Variants in ICAM1 observed in about 807,000 individuals in gnomAD.
ICAM1 encodes ICAM-1.
Under a neutral mutation model 42.3 loss-of-function variants are expected in ICAM1, and 28 were observed. The observed-to-expected ratio is 0.66, with a 90% CI of 0.49 to 0.91. ICAM1 has a LOEUF of 0.91. Among genes scored for constraint, ICAM1 ranks in the 40% least tolerant of loss-of-function variants. ICAM1 has a pLI of 0.00. For missense variants in ICAM1, 637 were observed against 688.6 expected (o/e 0.93, Z 0.84); for synonymous variants, 304 against 305.9 (o/e 0.99, Z 0.07).
intron 2 of ICAM1, among the ~76,000 whole-genome samples, chr19:10,278,886 C>A (rs5030362): frequency 0.025 from 3,753 of 152,238 alleles, 152 homozygotes; most frequent in African/African-American, 0.084. Flanking sequence ...TGAGACCTGG[C>A]TCTGCCACAT....
chr19:10,272,678 C>T (rs5030343), intron 1 of ICAM1, among the ~76,000 whole-genome samples: 2,182 of 150,316 alleles, frequency 0.015, 41 homozygotes, highest in African/African-American at 0.05. Flanking sequence ...GATTCTCCTG[C>T]CTCAGCCTCC....
intron 2 of ICAM1, among the ~76,000 whole-genome samples, chr19:10,279,969 T>G: frequency 6.6e-6 from 1 of 150,650 alleles, no homozygotes; most frequent in Non-Finnish European, 1.5e-5. Context: ...TGATAGGGAG[T>G]CATGGAGGGT....
At position 10,273,632 on chromosome 19, in the gene ICAM1, T is replaced by C. The variant is rs1408629078; in HGVS notation, c.68-1133T>C. ...GTGAGCTATGATTGTGCCACTGTATTCCAGCCTGGGTAACAGAGGGAGACC... is the reference window on the plus strand; with the variant it reads ...GTGAGCTATGATTGTGCCACTGTATCCCAGCCTGGGTAACAGAGGGAGACC... On this transcript the variant is annotated intron_variant, in intron 1 of 6. Transcript: ENST00000264832. 2.6e-5 allele frequency among the ~76,000 whole-genome samples: 4 copies of C among 152,022 alleles called. No individual in the cohort carries two copies. In the East Asian group the frequency reaches 7.7e-4, roughly 29 times the overall value.
Position 10,274,013 on chromosome 19 carries a change from C to CA in ICAM1, c.68-738dup, listed in dbSNP as rs34434348. Among the ~76,000 whole-genome samples, 1,141 of 134,318 alleles carry CA rather than the reference C, an allele frequency of 8.5e-3. 5 individuals carry two copies. The highest frequency in any genetic ancestry group is 0.013 in the African/African-American group (485 of 37,278). 88.1% of individuals were successfully genotyped at this position (134,318 alleles called of 152,430 possible). Reference sequence around the variant, plus strand: ...TGAGTGACAAAGCGAGACTCCATCTCAAAAAAAAAAAAAATAAAAGAACAC... The same window carrying CA: ...TGAGTGACAAAGCGAGACTCCATCTCAAAAAAAAAAAAAAATAAAAGAACAC... On this transcript the variant is annotated intron_variant, in intron 1 of 6. Transcript: ENST00000264832.
chr19:10,283,426 T>C, intron 2 of ICAM1, 55 bp from the exon 3 acceptor site: 1 of 1,499,742 alleles, frequency 6.7e-7, no homozygotes, highest in Non-Finnish European at 8.9e-7. Flanking sequence ...GTTCGTCTGT[T>C]AGGCAGGCAG....
intron 2 of ICAM1, among the ~76,000 whole-genome samples, chr19:10,275,418 C>A (rs2040009321): frequency 6.6e-6 from 1 of 152,040 alleles, no homozygotes; most frequent in Non-Finnish European, 1.5e-5. Flanking sequence ...AACGCTTGAA[C>A]CTGAGAGGCA....
rs1043028790 is a variant in ICAM1 at position 10,282,033 on chromosome 19, C to T, written c.332-1448C>T. On this transcript the variant is annotated intron_variant, in intron 2 of 6. Transcript: ENST00000264832. ...TTGGGATTACAGGCGTGAGCCACCA[C>T]ACGCAGCCTTTTTGTTATTAGACTC... is the stretch of plus-strand genomic sequence containing the variant. 7.9e-5 allele frequency among the ~76,000 whole-genome samples: 12 copies of T among 151,802 alleles called. No homozygotes were observed. The East Asian group carries it at 2.3e-3, about 29-fold the overall frequency.
chr19:10,275,705 C>CTT lies in ICAM1; in HGVS notation c.331+696_331+697dup, dbSNP rs568025125. Among the ~76,000 whole-genome samples the CTT allele has an allele frequency of 1.2e-3, 131 of 109,282 alleles. 2 individuals are homozygous for CTT. Among genetic ancestry groups the CTT allele is most frequent in the African/African-American group, 3.6e-3 (94 of 26,350 alleles). The allele number at this position is 109,282 out of a possible 152,430, so 71.7% of individuals were successfully genotyped here. A position where few individuals can be genotyped will look rare whatever the true frequency, so the allele number is the denominator to read the frequency against. On this transcript the variant is annotated intron_variant, in intron 2 of 6. Coordinates refer to ENST00000264832, the MANE Select transcript of ICAM1 (RefSeq NM_000201.3). ...CAACAGAGTGAGACCCTGTTTCTTT[C>CTT]TTTTTTTTTTTTTTTTTTTTGAGAC...
chr19:10,271,720 C>T (rs375788032), intron 1 of ICAM1, among the ~76,000 whole-genome samples: 1 of 152,188 alleles, frequency 6.6e-6, no homozygotes, highest in Non-Finnish European at 1.5e-5. Flanking sequence ...GCCAACCCAA[C>T]AAGGCTTAAG....
chr19:10,277,198 GA>G (rs2040023980), intron 2 of ICAM1, among the ~76,000 whole-genome samples: 1 of 151,878 alleles, frequency 6.6e-6, no homozygotes, highest in Non-Finnish European at 1.5e-5. Context: ...TCCTTTTTTT[GA>G]GACAGAGTTT....
At position 10,274,814 on chromosome 19, in the gene ICAM1, C is replaced by G; in HGVS notation, c.117C>G (p.Pro39=). 6.2e-7 allele frequency: 1 copy of G among 1,614,172 alleles called. No individual in the cohort carries two copies. Among genetic ancestry groups the G allele is most frequent in the Non-Finnish European group, 8.5e-7 (1 of 1,180,032 alleles). Reference sequence around the variant, plus strand: ...TGTCCCCCTCAAAAGTCATCCTGCCCCGGGGAGGCTCCGTGCTGGTGACAT... The same window carrying G: ...TGTCCCCCTCAAAAGTCATCCTGCCGCGGGGAGGCTCCGTGCTGGTGACAT... The part of the protein sequence containing the change: ...TSVSPSKVIL[P]RGGSVLVTCS... Residue 39 remains proline, a synonymous_variant, in exon 2 of 7, where the codon CCC becomes CCG. Transcript: ENST00000264832.
chr19:10,276,563 A>G (rs78073589), intron 2 of ICAM1, among the ~76,000 whole-genome samples: 1 of 150,986 alleles, frequency 6.6e-6, no homozygotes, highest in Non-Finnish European at 1.5e-5. Context: ...AAAAAAAAAA[A>G]AGAATTGATA....
intron 2 of ICAM1, among the ~76,000 whole-genome samples, chr19:10,278,035 C>CA (rs1455859956): frequency 6.6e-6 from 1 of 151,902 alleles, no homozygotes; most frequent in Non-Finnish European, 1.5e-5. Context: ...CCCATATCTA[C>CA]AAAAAATAAA....
intron 1 of ICAM1, among the ~76,000 whole-genome samples, chr19:10,272,976 C>T (rs992108445): frequency 1.3e-5 from 2 of 152,120 alleles, no homozygotes; most frequent in Non-Finnish European, 1.5e-5. Flanking sequence ...GGGGAAACTA[C>T]GTGTCTCAGG....
In ICAM1 at chr19:10,286,554, C is replaced by T. The variant is rs75407602; in HGVS notation, c.*1267C>T. 4,857 of 161,058 alleles carry T rather than the reference C, an allele frequency of 0.03. 82 individuals are homozygous for T. The highest frequency in any genetic ancestry group is 0.044 in the Non-Finnish European group (3,250 of 74,654). 10.0% of individuals were successfully genotyped at this position (161,058 alleles called of 1,614,324 possible). On this transcript the variant is annotated 3_prime_UTR_variant, in exon 7 of 7. Coordinates refer to ENST00000264832, the MANE Select transcript of ICAM1 (RefSeq NM_000201.3). ...TTGATTTTTTTTTTTTTTCCAGAGA[C>T]GGGGTCTCGCAACATTGCCCAGACT...
At chr19:10,273,956 G>A (rs1319447436) in intron 1 of ICAM1, among the ~76,000 whole-genome samples, 7 of 152,048 alleles carry the variant, frequency 4.6e-5, no homozygotes, top group South Asian at 2.1e-4. Flanking sequence ...AAAGGTTGCA[G>A]TGAGCTGAGA....
At chr19:10,279,671 G>C (rs1168148980) in intron 2 of ICAM1, among the ~76,000 whole-genome samples, 1 of 151,882 alleles carries the variant, frequency 6.6e-6, no homozygotes, top group Non-Finnish European at 1.5e-5. Context: ...TTTTAGTAGA[G>C]ATAGGGTTTA....
intron 1 of ICAM1, among the ~76,000 whole-genome samples, chr19:10,271,620 C>T (rs2039981310): frequency 6.6e-6 from 1 of 152,120 alleles, no homozygotes; most frequent in South Asian, 2.1e-4. Flanking sequence ...AAACGGGAAA[C>T]GTTATAGCGG....
At chr19:10,278,309 A>G (rs2040031021) in intron 2 of ICAM1, among the ~76,000 whole-genome samples, 1 of 152,040 alleles carries the variant, frequency 6.6e-6, no homozygotes, top group Admixed American at 6.6e-5. Context: ...ATCAGGTGAG[A>G]CCTCCTCTGA....
Sources: allele counts gnomAD v4.1 joint callset (sites outside exome capture counted in the v4.1 genomes callset), GRCh38; gene constraint gnomAD v4.1.1; transcripts MANE v1.5; gene names NCBI Gene and HGNC (gene_info 2026-07-23, HGNC 2026-07-21).